Variants in ATXN2 observed in about 807,000 individuals in gnomAD.
ATXN2 encodes ataxin 2, also known as ataxin-2.
ATXN2 carries 37 observed loss-of-function variants against 138.6 expected under a neutral mutation model. The observed-to-expected ratio is 0.27, with a 90% CI of 0.21 to 0.35. The LOEUF is 0.35. Ranked by LOEUF, ATXN2 falls within the 10% of genes least tolerant of loss-of-function variation. The pLI is 1.00. For synonymous variants in ATXN2, 549 were observed against 543.7 expected (o/e 1.01, Z -0.13); for missense variants, 1,216 against 1,480.3 (o/e 0.82, Z 2.93).
intron 14 of ATXN2, among the ~76,000 whole-genome samples, chr12:111,497,032 A>G (rs755677483): frequency 2.0e-5 from 3 of 152,206 alleles, no homozygotes; most frequent in Non-Finnish European, 4.4e-5. Context: ...AGGAGACATT[A>G]TAATTGTTAC....
At chr12:111,588,660 G>T (rs1884466851) in intron 1 of ATXN2, among the ~76,000 whole-genome samples, 1 of 151,570 alleles carries the variant, frequency 6.6e-6, no homozygotes, top group African/African-American at 2.4e-5. Context: ...GTTAACAGCT[G>T]TGACAAGTTT....
chr12:111,505,547 A>T (rs2135722388), intron 14 of ATXN2, among the ~76,000 whole-genome samples: 1 of 152,376 alleles, frequency 6.6e-6, no homozygotes, highest in East Asian at 1.9e-4. Flanking sequence ...TTGAACAGAC[A>T]TCAATCCAAA....
At chr12:111,543,815 A>G (rs938262200) in intron 5 of ATXN2, among the ~76,000 whole-genome samples, 6 of 152,326 alleles carry the variant, frequency 3.9e-5, no homozygotes, top group Admixed American at 2.6e-4. Flanking sequence ...AGTGGCTTGC[A>G]CCTATAATCC....
intron 5 of ATXN2, among the ~76,000 whole-genome samples, chr12:111,549,741 A>C (rs372634376): frequency 6.6e-6 from 1 of 152,150 alleles, no homozygotes; most frequent in Non-Finnish European, 1.5e-5. Flanking sequence ...ACGCAATTGT[A>C]TAATTCACTA....
At chr12:111,494,883 G>C (rs1386817097) in intron 14 of ATXN2, among the ~76,000 whole-genome samples, 1 of 152,086 alleles carries the variant, frequency 6.6e-6, no homozygotes, top group Non-Finnish European at 1.5e-5. Context: ...GGAAGGGAGG[G>C]AGTAGGACTA....
At chr12:111,532,202 C>G (rs977807192) in intron 5 of ATXN2, among the ~76,000 whole-genome samples, 1 of 151,848 alleles carries the variant, frequency 6.6e-6, no homozygotes, top group South Asian at 2.1e-4. Flanking sequence ...AATTTGAGGC[C>G]GGGTGCGGTG....
At chr12:111,527,038 A>G (rs1033506435) in intron 5 of ATXN2, among the ~76,000 whole-genome samples, 5 of 152,226 alleles carry the variant, frequency 3.3e-5, no homozygotes, top group African/African-American at 1.2e-4. Flanking sequence ...GTTATTGAAG[A>G]GTACTGACTT....
At chr12:111,456,277 A>G in intron 22 of ATXN2, 21 bp from the exon 23 acceptor site, 1 of 1,613,028 alleles carries the variant, frequency 6.2e-7, no homozygotes. Flanking sequence ...ACAGGAAAGA[A>G]TTGAGAGGAA....
At chr12:111,599,470 G>A, upstream of ATXN2, 2 of 1,213,276 alleles carry the variant, frequency 1.6e-6, no homozygotes, top group South Asian at 7.4e-5. Context: ...GGCGAGACTC[G>A]GTGGCCACCG....
chr12:111,562,547 C>T (rs865835784), intron 1 of ATXN2, among the ~76,000 whole-genome samples: 1 of 151,776 alleles, frequency 6.6e-6, no homozygotes, highest in Non-Finnish European at 1.5e-5. Context: ...ATGGAAAAAT[C>T]CTGTCTCTAC....
chr12:111,598,870 G>A lies in ATXN2; in HGVS notation c.165C>T (p.Ser55=), dbSNP rs1310812112. ...LASPAAAPSP[S]SSSVSSSSAT... The stretch of plus-strand genomic sequence containing the variant: ...CCGAGGACGAGGAGACCGAGGACGA[G>A]GACGGCGAAGGCGCGGCGGCGGGCG... The change falls in exon 1 of 25, where the codon TCC becomes TCT. Residue 55 remains serine, a synonymous_variant. Coordinates refer to ENST00000673436, the MANE Select transcript of ATXN2 (RefSeq NM_001372574.1). This position sits in a 1 kb window ranked among gnomAD's most constrained non-coding sequence, Gnocchi z 4.5. The A allele has an allele frequency of 6.7e-6, 10 of 1,493,492 alleles. No individual in the cohort carries two copies. Among genetic ancestry groups the A allele is most frequent in the African/African-American group, 1.5e-5 (1 of 68,816 alleles). 92.5% of individuals were successfully genotyped at this position (1,493,492 alleles called of 1,614,324 possible). A position where few individuals can be genotyped will look rare whatever the true frequency, so the allele number is the denominator to read the frequency against.
intron 1 of ATXN2, among the ~76,000 whole-genome samples, chr12:111,575,769 A>C (rs1883603362): frequency 6.6e-6 from 1 of 152,206 alleles, no homozygotes; most frequent in South Asian, 2.1e-4. Flanking sequence ...TGACAGGGTC[A>C]ACTACTACTG....
intron 20 of ATXN2, among the ~76,000 whole-genome samples, chr12:111,465,767 CAAAAAAAAA>C (rs61456193): frequency 5.5e-5 from 2 of 36,272 alleles, no homozygotes; most frequent in Non-Finnish European, 7.7e-5. Flanking sequence ...GAGACTACCT[CAAAAAAAAA>C]AAAAAAAAAA....
chr12:111,518,286 G>A lies in ATXN2; in HGVS notation c.1128C>T (p.Asn376=). 1.9e-6 allele frequency: 3 copies of A among 1,610,178 alleles called. No individual in the cohort carries two copies. The highest frequency in any genetic ancestry group is 1.7e-6 in the Non-Finnish European group (2 of 1,177,242). ...CTCTTTGGTCTGAACCAGAATTCGG[G>A]TTGAAATCTGAAGTGTGAGAAGTGG... The part of the protein sequence containing the change: ...SRSTSHTSDF[N]PNSGSDQRVV... Residue 376 remains asparagine (N), a synonymous_variant, in exon 9 of 25, where the codon AAC becomes AAT. Coordinates refer to ENST00000673436, the MANE Select transcript of ATXN2 (RefSeq NM_001372574.1).
intron 18 of ATXN2, among the ~76,000 whole-genome samples, chr12:111,476,452 C>T (rs1412009933): frequency 6.9e-6 from 1 of 144,678 alleles, no homozygotes; most frequent in Non-Finnish European, 1.5e-5. Flanking sequence ...TGCACCAGTA[C>T]AATAAGACAA....
At chr12:111,569,110 C>T (rs940841706) in intron 1 of ATXN2, among the ~76,000 whole-genome samples, 2 of 152,120 alleles carry the variant, frequency 1.3e-5, no homozygotes, top group Non-Finnish European at 2.9e-5. Context: ...ATCATTGTTT[C>T]AAAACAATTA....
chr12:111,514,770 T>C (rs1879762002), intron 10 of ATXN2, among the ~76,000 whole-genome samples: 2 of 152,134 alleles, frequency 1.3e-5, no homozygotes, highest in African/African-American at 2.4e-5. Flanking sequence ...TTACAGGCGT[T>C]AGCCACCATG....
At chr12:111,507,150 C>G (rs1348539039) in intron 14 of ATXN2, among the ~76,000 whole-genome samples, 16 of 151,558 alleles carry the variant, frequency 1.1e-4, no homozygotes, top group African/African-American at 3.9e-4. Flanking sequence ...AGGAGCCCCT[C>G]TGCCCGGCTG....
Position 111,453,259 on chromosome 12 carries a change from C to A in ATXN2, c.3439+418G>T. ...GCTAACGCTACACTCAAAGCCAGTCCATCCACAGCGCTTTCTCAGCAGTAT... is the reference window on the plus strand; with the variant it reads ...GCTAACGCTACACTCAAAGCCAGTCAATCCACAGCGCTTTCTCAGCAGTAT... On this transcript the variant is annotated intron_variant, in intron 24 of 24. Transcript: ENST00000673436. This position sits in a 1 kb window ranked among gnomAD's most constrained non-coding sequence, Gnocchi z 5.4. The A allele has an allele frequency of 6.6e-6, 7 of 1,061,112 alleles. No homozygotes were observed. The highest frequency in any genetic ancestry group is 8.0e-6 in the Non-Finnish European group (7 of 879,460). The allele number at this position is 1,061,112 out of a possible 1,614,324, so 65.7% of individuals were successfully genotyped here. A position where few individuals can be genotyped will look rare whatever the true frequency, so the allele number is the denominator to read the frequency against.
Sources: allele counts gnomAD v4.1 joint callset (sites outside exome capture counted in the v4.1 genomes callset), GRCh38; gene constraint gnomAD v4.1.1; non-coding constraint Gnocchi (gnomAD v3.1); transcripts MANE v1.5; gene names NCBI Gene and HGNC (gene_info 2026-07-23, HGNC 2026-07-21).